Variants in CLCN4 observed in about 807,000 individuals in gnomAD.
CLCN4 encodes the protein Cl-/H+ antiporter 4.
A neutral mutation model predicts 41.7 loss-of-function variants in CLCN4; 1 was observed. That is an observed-to-expected ratio of 0.02 (90% CI 0.01 to 0.11). The LOEUF (loss-of-function observed/expected upper bound fraction) is 0.11, where lower values mean the gene tolerates loss of function less well. CLCN4 is among the 10% of genes least tolerant of loss of function. The probability of loss-of-function intolerance (pLI) is 1.00; values close to 1 mark genes in which losing one functional copy is unlikely to be tolerated. For missense variants in CLCN4, 287 were observed against 661.0 expected (o/e 0.43, Z 6.20); for synonymous variants, 277 against 285.8 (o/e 0.97, Z 0.31).
At chrX:10,221,980 C>T (rs962080143) in intron 12 of CLCN4, among the ~76,000 whole-genome samples, 5 of 112,540 alleles carry the variant, frequency 4.4e-5, no homozygotes, top group African/African-American at 1.6e-4. Context: ...CTGCATTTGC[C>T]TAGAGCTTCT....
At chrX:10,213,443 G>A (rs750074420) in intron 10 of CLCN4, among the ~76,000 whole-genome samples, 53 of 111,934 alleles carry the variant, frequency 4.7e-4, no homozygotes, top group African/African-American at 1.5e-3. Context: ...TAGACAACCC[G>A]GGATCCGTCA....
chrX:10,161,841 C>T (rs1180712000), intron 2 of CLCN4, among the ~76,000 whole-genome samples: 1 of 110,156 alleles, frequency 9.1e-6, no homozygotes, highest in Non-Finnish European at 1.9e-5. Flanking sequence ...TGTGTTTTCT[C>T]TCTTGGGTTG....
Position 10,212,556 on chromosome X carries a change from T to C in CLCN4, c.1479T>C (p.His493=), listed in dbSNP as rs112542881. ...VGIGVEQLAY[H]HHDWIIFRNW... is the part of the protein sequence containing the mutation. ...TTGGCGTGGAGCAGCTGGCCTACCATCACCATGACTGGATCATCTTCAGGA... is the reference window on the plus strand; with the variant it reads ...TTGGCGTGGAGCAGCTGGCCTACCACCACCATGACTGGATCATCTTCAGGA... Residue 493 remains histidine, a synonymous_variant, in exon 10 of 13, where the codon CAT becomes CAC. Transcript: ENST00000380833. 2.0e-4 allele frequency: 240 copies of C among 1,209,660 alleles called. 1 individual carries two copies. The highest frequency in any genetic ancestry group is 7.7e-4 in the African/African-American group (44 of 57,103).
chrX:10,202,638 C>CAAAAAAA (rs759089094), intron 6 of CLCN4, among the ~76,000 whole-genome samples: 2 of 19,639 alleles, frequency 1.0e-4, no homozygotes, highest in Non-Finnish European at 1.9e-4. Flanking sequence ...GACCCTGCCT[C>CAAAAAAA]AAAAAAAAAA....
intron 9 of CLCN4, among the ~76,000 whole-genome samples, chrX:10,210,553 G>T (rs1242933872): frequency 9.1e-6 from 1 of 110,463 alleles, no homozygotes; most frequent in African/African-American, 3.3e-5. Flanking sequence ...TGTTTCCCAG[G>T]CTGGTCTTAA....
chrX:10,174,581 G>A (rs1923470483), intron 2 of CLCN4, among the ~76,000 whole-genome samples: 1 of 112,284 alleles, frequency 8.9e-6, no homozygotes, highest in African/African-American at 3.2e-5. Flanking sequence ...TATTGCAGGT[G>A]AGCAGACTGC....
chrX:10,162,311 G>T (rs181491028), intron 2 of CLCN4, among the ~76,000 whole-genome samples: 2 of 111,381 alleles, frequency 1.8e-5, no homozygotes, highest in East Asian at 5.6e-4. Flanking sequence ...GAGCCACCAC[G>T]CCTGGCCGCA....
intron 2 of CLCN4, among the ~76,000 whole-genome samples, chrX:10,173,670 G>C (rs1279989397): frequency 2.7e-5 from 3 of 111,998 alleles, no homozygotes; most frequent in East Asian, 2.8e-4. Context: ...GTGCCTCTGC[G>C]GGGGCGGGAG....
intron 12 of CLCN4, 77 bp from the exon 13 acceptor site, chrX:10,233,417 A>T: frequency 1.4e-6 from 1 of 711,780 alleles, no homozygotes; most frequent in Non-Finnish European, 2.2e-6. Context: ...CACATGGAAA[A>T]GGCACTGGGG....
intron 2 of CLCN4, among the ~76,000 whole-genome samples, chrX:10,167,444 G>A (rs1923280030): frequency 8.9e-6 from 1 of 112,468 alleles, no homozygotes; most frequent in African/African-American, 3.2e-5. Flanking sequence ...TCCAAGATGG[G>A]CCTCGACCAT....
chrX:10,180,877 A>C (rs150433721), intron 2 of CLCN4, among the ~76,000 whole-genome samples: 9 of 109,894 alleles, frequency 8.2e-5, no homozygotes, highest in Non-Finnish European at 1.5e-4. Flanking sequence ...GGAAAGAGAG[A>C]GAGGCCTGGG....
At chrX:10,229,082 G>A (rs1000063884) in intron 12 of CLCN4, among the ~76,000 whole-genome samples, 7 of 111,307 alleles carry the variant, frequency 6.3e-5, no homozygotes, top group Non-Finnish European at 1.1e-4. Flanking sequence ...GAAACCCTGC[G>A]TAAAGCCTTC....
chrX:10,179,375 G>A (rs1029728091), intron 2 of CLCN4, among the ~76,000 whole-genome samples: 3 of 111,734 alleles, frequency 2.7e-5, no homozygotes, highest in Non-Finnish European at 3.8e-5. Context: ...CTTGGGAGTC[G>A]TACAAGTCTC....
Position 10,212,631 on chromosome X carries a change from G to T in CLCN4, c.1554G>T (p.Met518Ile). 8.3e-7 allele frequency: 1 copy of T among 1,210,187 alleles called. No homozygotes were observed. The highest frequency in any genetic ancestry group is 1.1e-6 in the Non-Finnish European group (1 of 894,440). The change falls in exon 10 of 13, where the codon ATG (methionine) becomes ATT (isoleucine). Residue 518 changes from methionine (M) to isoleucine (I), a missense_variant. Physicochemically the swap from Met to Ile is conservative, Grantham distance 10. Around this residue, in one of 6 missense-constraint regions of CLCN4, gnomAD observed 94 missense variants for 177.9 expected, o/e 0.53. Transcript: ENST00000380833. Reference protein sequence around the residue: ...ADCVTPGLYAMVGAAACLGGV... With the variant: ...ADCVTPGLYAIVGAAACLGGV... Reference sequence around the variant, plus strand: ...GTGTCACGCCAGGGCTGTACGCAATGGTGGGAGCTGCGGCCTGCCTCGGTA... The same window carrying T: ...GTGTCACGCCAGGGCTGTACGCAATTGTGGGAGCTGCGGCCTGCCTCGGTA...
intron 2 of CLCN4, among the ~76,000 whole-genome samples, chrX:10,180,235 A>G (rs757881455): frequency 5.2e-3 from 580 of 111,879 alleles, no homozygotes; most frequent in Admixed American, 8.1e-3. Context: ...AATAGCCACA[A>G]TAATATCTCT....
intron 11 of CLCN4, among the ~76,000 whole-genome samples, chrX:10,219,916 A>G (rs746561066): frequency 8.9e-6 from 1 of 112,409 alleles, no homozygotes; most frequent in African/African-American, 3.2e-5. Flanking sequence ...GTTAAGCTGT[A>G]TTTCTAATGA....
intron 4 of CLCN4, among the ~76,000 whole-genome samples, chrX:10,194,319 G>A (rs142992961): frequency 6.2e-5 from 7 of 112,021 alleles, no homozygotes; most frequent in East Asian, 2.8e-4. Flanking sequence ...TGCACATTCC[G>A]TTTTCTCCCA....
intron 2 of CLCN4, among the ~76,000 whole-genome samples, chrX:10,180,304 TTC>T (rs777292415): frequency 8.9e-6 from 1 of 111,747 alleles, no homozygotes; most frequent in Admixed American, 9.5e-5. Flanking sequence ...AGAGTCTACT[TTC>T]TCTCTCCTTG....
rs185317300 is a variant in CLCN4, at chrX:10,207,595, A to C, written c.844-450A>C. Among the ~76,000 whole-genome samples, 85 of 112,408 alleles carry C rather than the reference A, an allele frequency of 7.6e-4. 1 individual carries two copies. The highest frequency in any genetic ancestry group is 2.6e-3 in the African/African-American group (81 of 30,960). ...TATTGTTCTTCTTTTGAATATTTCAAATCAAAAGATTTTTTCACCTTTTTC... is the reference window on the plus strand; with the variant it reads ...TATTGTTCTTCTTTTGAATATTTCACATCAAAAGATTTTTTCACCTTTTTC... On this transcript the variant is annotated intron_variant, in intron 8 of 12. Coordinates refer to ENST00000380833, the MANE Select transcript of CLCN4 (RefSeq NM_001830.4).
Sources: allele counts gnomAD v4.1 joint callset (sites outside exome capture counted in the v4.1 genomes callset), GRCh38; gene constraint gnomAD v4.1.1; regional missense constraint gnomAD v4.1.1; transcripts MANE v1.5; gene names NCBI Gene and HGNC (gene_info 2026-07-23, HGNC 2026-07-21).